Variants in PLXNA2 observed in about 807,000 individuals in gnomAD.
The protein encoded by PLXNA2 is plexin A2.
In PLXNA2, 91 loss-of-function variants were observed where a neutral mutation model predicts 193.5. The ratio of observed to expected loss-of-function variants is 0.47; its 90% CI spans 0.40 to 0.56. PLXNA2 has a LOEUF of 0.56. Ranked by LOEUF, PLXNA2 falls within the 20% of genes least tolerant of loss-of-function variation. The probability of loss-of-function intolerance (pLI) is 0.00; values close to 1 mark genes in which losing one functional copy is unlikely to be tolerated. For missense variants in PLXNA2, 1,995 were observed against 2,503.2 expected (o/e 0.80, Z 4.33); for synonymous variants, 997 against 1,027.3 (o/e 0.97, Z 0.56).
At chr1:208,073,736 G>A (rs1443048695) in intron 12 of PLXNA2, among the ~76,000 whole-genome samples, 2 of 151,766 alleles carry the variant, frequency 1.3e-5, no homozygotes, top group African/African-American at 4.8e-5. Flanking sequence ...ATTAGAGTGG[G>A]CACTAATCCA....
At chr1:208,065,652 G>T (rs113891637) in intron 12 of PLXNA2, among the ~76,000 whole-genome samples, 23 of 152,272 alleles carry the variant, frequency 1.5e-4, no homozygotes, top group East Asian at 1.9e-4. Flanking sequence ...ATGAGGGAGC[G>T]CATCACAGAC....
intron 9 of PLXNA2, among the ~76,000 whole-genome samples, chr1:208,087,772 G>A (rs1450075282): frequency 1.3e-5 from 2 of 152,098 alleles, no homozygotes; most frequent in Non-Finnish European, 2.9e-5. Context: ...AGTGGTAAGG[G>A]CTGAAAGTGG....
chr1:208,053,672 T>TGTAG (rs564949051), intron 14 of PLXNA2, among the ~76,000 whole-genome samples: 148 of 152,316 alleles, frequency 9.7e-4, no homozygotes, highest in African/African-American at 3.5e-3. Context: ...GATGTAGCAA[T>TGTAG]GTAGGTGTCA....
chr1:208,050,701 C>A (rs547419890), intron 17 of PLXNA2, among the ~76,000 whole-genome samples: 2 of 152,050 alleles, frequency 1.3e-5, no homozygotes, highest in East Asian at 3.9e-4. Context: ...GCCAAGCATG[C>A]GCCTGTGGTC....
Position 208,079,307 on chromosome 1 carries a change from C to G in PLXNA2, c.2539G>C (p.Asp847His), listed in dbSNP as rs201952593. ...HCTSPSSPWLDWSSHNVKCSN... is the reference protein window; with the variant it reads ...HCTSPSSPWLHWSSHNVKCSN... Reference sequence around the variant, plus strand: ...CACTTGACATTGTGGCTGGACCAGTCGAGCCAGGGGCTGGAAGGGCTGGTA... The same window carrying G: ...CACTTGACATTGTGGCTGGACCAGTGGAGCCAGGGGCTGGAAGGGCTGGTA... Residue 847 changes from aspartate to histidine, a missense_variant, in exon 12 of 32, where the codon GAC becomes CAC. By Grantham distance (81) the Asp-to-His change is moderately conservative (BLOSUM62 -1). Around this residue, in one of 3 missense-constraint regions of PLXNA2, gnomAD observed 1,291 missense variants for 1,673.6 expected, o/e 0.77. Coordinates refer to ENST00000367033, the MANE Select transcript of PLXNA2 (RefSeq NM_025179.4). 6.2e-7 allele frequency: 1 copy of G among 1,612,776 alleles called. No homozygotes were observed. The highest frequency in any genetic ancestry group is 8.5e-7 in the Non-Finnish European group (1 of 1,179,020).
chr1:208,234,286 A>G (rs1184309543), intron 1 of PLXNA2, among the ~76,000 whole-genome samples: 1 of 152,166 alleles, frequency 6.6e-6, no homozygotes, highest in East Asian at 1.9e-4. Flanking sequence ...TAAACACTCA[A>G]AAACATTTCC....
In PLXNA2 at chr1:208,024,587, C is replaced by T. The variant is rs1011695796; in HGVS notation, c.*2656G>A. Reference sequence around the variant, plus strand: ...TGGCCAAACCACTCACAGCCAGCTCCGGCTCTTCACTCTCCACCCTCCAAT... The same window carrying T: ...TGGCCAAACCACTCACAGCCAGCTCTGGCTCTTCACTCTCCACCCTCCAAT... On this transcript the variant is annotated 3_prime_UTR_variant, in exon 32 of 32. Coordinates refer to ENST00000367033, the MANE Select transcript of PLXNA2 (RefSeq NM_025179.4). 3.9e-5 allele frequency: 6 copies of T among 152,410 alleles called. No homozygotes were observed. The highest frequency in any genetic ancestry group is 1.2e-4 in the African/African-American group (5 of 41,456). The allele number at this position is 152,410 out of a possible 1,614,324, so 9.4% of individuals were successfully genotyped here. A position where few individuals can be genotyped will look rare whatever the true frequency, so the allele number is the denominator to read the frequency against.
intron 3 of PLXNA2, among the ~76,000 whole-genome samples, chr1:208,161,696 T>A (rs1356873687): frequency 6.6e-6 from 1 of 152,104 alleles, no homozygotes; most frequent in Non-Finnish European, 1.5e-5. Context: ...TCCTCCTCCT[T>A]AATTTCAGGG....
At chr1:208,142,250 G>T in intron 4 of PLXNA2, 79 bp downstream of exon 4, 1 of 1,471,686 alleles carries the variant, frequency 6.8e-7, no homozygotes. Flanking sequence ...TTCTTGGACT[G>T]AACAGTTTCT....
intron 20 of PLXNA2, among the ~76,000 whole-genome samples, chr1:208,043,406 T>C (rs560266006): frequency 1.9e-4 from 29 of 152,354 alleles, no homozygotes; most frequent in Admixed American, 3.3e-4. Flanking sequence ...TATTTTCTCC[T>C]CTATACTTAT....
intron 4 of PLXNA2, among the ~76,000 whole-genome samples, chr1:208,140,921 T>C (rs1161911024): frequency 2.6e-5 from 4 of 152,176 alleles, no homozygotes; most frequent in African/African-American, 4.8e-5. Context: ...TCCCAATAAA[T>C]ATGTGCCCAG....
At chr1:208,108,763 G>A (rs1016126402) in intron 4 of PLXNA2, among the ~76,000 whole-genome samples, 2 of 152,186 alleles carry the variant, frequency 1.3e-5, no homozygotes, top group Non-Finnish European at 2.9e-5. Flanking sequence ...ACAAAACCAA[G>A]GAAATAGATA....
chr1:208,033,367 G>A lies in PLXNA2; in HGVS notation c.5007C>T (p.Gly1669=), dbSNP rs1207786610. ...DHGDQKEGDR[G]SKMVSEIYLT... ...GGTAGATCTCGGACACCATCTTGCT[G>A]CCCCGGTCACCCTCCTTCTGGTCAC... is the stretch of plus-strand genomic sequence containing the variant. Residue 1669 remains glycine, a synonymous_variant, in exon 28 of 32, where the codon GGC becomes GGT. Transcript: ENST00000367033. 2 of 1,611,668 alleles carry A rather than the reference G, an allele frequency of 1.2e-6. No homozygotes were observed. Among genetic ancestry groups the A allele is most frequent in the Admixed American group, 3.3e-5 (2 of 59,864 alleles).
At chr1:208,034,255 C>T (rs75470068) in intron 27 of PLXNA2, among the ~76,000 whole-genome samples, 2,017 of 152,360 alleles carry the variant, frequency 0.013, 104 homozygotes, top group East Asian at 0.1. Context: ...ACTCCGACTC[C>T]TCTACCAGGC....
chr1:208,042,440 G>T (rs943005514), intron 21 of PLXNA2, 74 bp from the exon 22 acceptor site: 48 of 1,525,432 alleles, frequency 3.1e-5, no homozygotes, highest in Non-Finnish European at 4.1e-5. Context: ...GTCTCACTGA[G>T]GGCCTGCTGG....
chr1:208,095,570 A>G (rs1666854265), intron 8 of PLXNA2, among the ~76,000 whole-genome samples: 1 of 152,020 alleles, frequency 6.6e-6, no homozygotes, highest in Non-Finnish European at 1.5e-5. Context: ...GAGAGAGGCT[A>G]CTTTCCCCCT....
At chr1:208,195,905 A>G (rs1213667707) in intron 3 of PLXNA2, among the ~76,000 whole-genome samples, 1 of 151,992 alleles carries the variant, frequency 6.6e-6, no homozygotes, top group Admixed American at 6.5e-5. Flanking sequence ...ACATTACCCA[A>G]CATTTTACAG....
intron 4 of PLXNA2, among the ~76,000 whole-genome samples, chr1:208,105,579 C>T (rs1424392106): frequency 6.6e-6 from 1 of 152,236 alleles, no homozygotes; most frequent in Non-Finnish European, 1.5e-5. Context: ...CACCAATTCA[C>T]ACCGCCTTAA....
intron 13 of PLXNA2, among the ~76,000 whole-genome samples, chr1:208,060,066 G>A (rs2102348278): frequency 6.6e-6 from 1 of 152,248 alleles, no homozygotes; most frequent in South Asian, 2.1e-4. Flanking sequence ...CTTTGGAGGG[G>A]TAGCCTCCCT....
Sources: allele counts gnomAD v4.1 joint callset (sites outside exome capture counted in the v4.1 genomes callset), GRCh38; gene constraint gnomAD v4.1.1; regional missense constraint gnomAD v4.1.1; transcripts MANE v1.5; gene names NCBI Gene and HGNC (gene_info 2026-07-23, HGNC 2026-07-21).